The following PLD5 variants were observed in gnomAD, a reference collection of about 807,000 sequenced individuals.
PLD5 encodes the protein inactive phospholipase D5.
A neutral mutation model predicts 61.1 loss-of-function variants in PLD5; 36 were observed. That is an observed-to-expected ratio of 0.59 (90% CI 0.45 to 0.78). PLD5 has a LOEUF of 0.78. Among genes scored for constraint, PLD5 ranks in the 30% least tolerant of loss-of-function variants. The pLI, the probability that PLD5 is intolerant of heterozygous loss-of-function variation, is 0.00. For synonymous variants in PLD5, 243 were observed against 242.8 expected, an observed-to-expected ratio of 1.00 and a Z score of -0.01; for missense variants, 515 against 644.4, an observed-to-expected ratio of 0.80 and a Z score of 2.17.
At chr1:242,096,299 C>G (rs376765237) in intron 9 of PLD5, among the ~76,000 whole-genome samples, 1 of 151,454 alleles carries the variant, frequency 6.6e-6, no homozygotes, top group African/African-American at 2.4e-5. Context: ...TCAGAAGTAT[C>G]GATCGATCGA....
chr1:242,161,071 T>C lies in PLD5; in HGVS notation c.736-36406A>G, dbSNP rs528236085. On this transcript the variant is annotated intron_variant, in intron 5 of 9. Coordinates refer to ENST00000536534, the MANE Select transcript of PLD5 (RefSeq NM_001372062.1). ...ATAATATTTACTGCATTGTAAATCA[T>C]AAAATATTTTAATAGATAATTTTGT... Among the ~76,000 whole-genome samples, 2 of 152,106 alleles carry C rather than the reference T, an allele frequency of 1.3e-5. 1 individual carries two copies. Among genetic ancestry groups the C allele is most frequent in the African/African-American group, 4.8e-5 (2 of 41,402 alleles).
At chr1:242,367,091 T>A (rs1661386700) in intron 1 of PLD5, among the ~76,000 whole-genome samples, 1 of 152,124 alleles carries the variant, frequency 6.6e-6, no homozygotes, top group Non-Finnish European at 1.5e-5. Context: ...AAATGTTAAC[T>A]GAGCACAGAG....
intron 2 of PLD5, among the ~76,000 whole-genome samples, chr1:242,306,748 C>CAT (rs1398030733): frequency 0.035 from 17 of 486 alleles, no homozygotes; most frequent in African/African-American, 0.037. Context: ...AAAACACACA[C>CAT]ACACACACAC....
chr1:242,242,541 C>G (rs1330070119), intron 4 of PLD5, among the ~76,000 whole-genome samples: 1 of 152,192 alleles, frequency 6.6e-6, no homozygotes, highest in Non-Finnish European at 1.5e-5. Context: ...GCTAAAATCA[C>G]ACGCATGGGG....
At chr1:242,147,704 TTTAG>T (rs1412942116) in intron 5 of PLD5, 1 of 152,226 alleles carries the variant, frequency 6.6e-6, no homozygotes, top group Non-Finnish European at 1.5e-5. Context: ...TTTTGAATAT[TTTAG>T]TTATTCTAAT....
chr1:242,147,329 T>C (rs1366381647), intron 5 of PLD5, among the ~76,000 whole-genome samples: 1 of 152,244 alleles, frequency 6.6e-6, no homozygotes, highest in Non-Finnish European at 1.5e-5. Context: ...TTCATGCTGT[T>C]GTGCAAAACA....
At chr1:242,159,164 C>T (rs940530846) in intron 5 of PLD5, among the ~76,000 whole-genome samples, 10 of 116,886 alleles carry the variant, frequency 8.6e-5, no homozygotes, top group South Asian at 7.5e-4. Flanking sequence ...ACAGTATAGA[C>T]GAACGCAAAT....
chr1:242,395,019 A>ATATATGTATATATGAATG (rs1553366917), intron 1 of PLD5, among the ~76,000 whole-genome samples: 3 of 127,866 alleles, frequency 2.3e-5, no homozygotes, highest in Non-Finnish European at 4.7e-5. Context: ...ATATATGAAT[A>ATATATGTATATATGAATG]TATATGTATA....
At chr1:242,198,002 T>A (rs965125065) in intron 5 of PLD5, among the ~76,000 whole-genome samples, 4 of 152,138 alleles carry the variant, frequency 2.6e-5, no homozygotes, top group African/African-American at 9.7e-5. Context: ...GAAAACACCC[T>A]CGGCCTCACT....
intron 1 of PLD5, among the ~76,000 whole-genome samples, chr1:242,489,532 A>G (rs1447298882): frequency 6.6e-6 from 1 of 152,170 alleles, no homozygotes; most frequent in Non-Finnish European, 1.5e-5. Flanking sequence ...AAACATTAGC[A>G]AAAATAATTA....
chr1:242,525,087 C>A (rs1669409664), upstream of PLD5, among the ~76,000 whole-genome samples: 2 of 151,868 alleles, frequency 1.3e-5, no homozygotes, highest in South Asian at 4.2e-4. Context: ...CTGCGCCTTC[C>A]CCCATTCTGA....
rs1413077790 is a variant in PLD5 at position 242,084,902 on chromosome 1, A to G, written c.*4952T>C. 6.6e-6 allele frequency: 1 copy of G among 151,840 alleles called. No homozygotes were observed. Among genetic ancestry groups the G allele is most frequent in the African/African-American group, 2.4e-5 (1 of 41,334 alleles). The allele number at this position is 151,840 out of a possible 1,614,324, so 9.4% of individuals were successfully genotyped here. A position where few individuals can be genotyped will look rare whatever the true frequency, so the allele number is the denominator to read the frequency against. ...TTACCACAGTACAGCTTGGTTACTG[A>G]TGAGAGACTGATTTGTTTCTGAGAT... is the stretch of plus-strand genomic sequence containing the variant. On this transcript the variant is annotated 3_prime_UTR_variant, in exon 10 of 10. Transcript: ENST00000536534.
intron 4 of PLD5, among the ~76,000 whole-genome samples, chr1:242,226,785 T>C (rs1254123010): frequency 6.6e-6 from 1 of 152,208 alleles, no homozygotes; most frequent in African/African-American, 2.4e-5. Context: ...TAATAGAGAA[T>C]GTCCCTGGTT....
intron 2 of PLD5, among the ~76,000 whole-genome samples, chr1:242,324,279 AGAT>A (rs1303177484): frequency 6.6e-6 from 1 of 152,252 alleles, no homozygotes; most frequent in African/African-American, 2.4e-5. Flanking sequence ...GTAAAAAGCA[AGAT>A]GATTTCTTTA....
chr1:242,419,519 C>T, intron 1 of PLD5, among the ~76,000 whole-genome samples: 1 of 150,184 alleles, frequency 6.7e-6, no homozygotes, highest in African/African-American at 2.5e-5. Flanking sequence ...CCTCAGCCTC[C>T]TGAGTAGCTG....
chr1:242,503,746 A>G (rs1430820509), intron 1 of PLD5, among the ~76,000 whole-genome samples: 2 of 152,176 alleles, frequency 1.3e-5, no homozygotes, highest in African/African-American at 4.8e-5. Flanking sequence ...TTAAAAAGGG[A>G]CATAAGGTCA....
intron 1 of PLD5, among the ~76,000 whole-genome samples, chr1:242,501,211 A>T (rs1641351488): frequency 6.6e-6 from 1 of 152,130 alleles, no homozygotes; most frequent in African/African-American, 2.4e-5. Context: ...TGAAGCAGGA[A>T]TCCCTTCCTC....
chr1:242,105,220 T>C (rs1660953268), intron 8 of PLD5, among the ~76,000 whole-genome samples: 2 of 103,752 alleles, frequency 1.9e-5, no homozygotes, highest in South Asian at 7.3e-4. Flanking sequence ...TACTGTGTGT[T>C]GGTTTTTTTT....
At chr1:242,297,974 G>A (rs745661911) in intron 2 of PLD5, among the ~76,000 whole-genome samples, 5 of 152,192 alleles carry the variant, frequency 3.3e-5, no homozygotes, top group Non-Finnish European at 5.9e-5. Context: ...TTTTATAACC[G>A]ATTACTGTCA....
Sources: allele counts gnomAD v4.1 joint callset (sites outside exome capture counted in the v4.1 genomes callset), GRCh38; gene constraint gnomAD v4.1.1; transcripts MANE v1.5; gene names NCBI Gene and HGNC (gene_info 2026-07-23, HGNC 2026-07-21).